CDC14A: variants seen among roughly 807,000 people sequenced by gnomAD.
CDC14A encodes cell division cycle 14A, also known as dual specificity protein phosphatase CDC14A.
CDC14A carries 53 observed loss-of-function variants against 74.4 expected under a neutral mutation model. That is an observed-to-expected ratio of 0.71 (90% CI 0.57 to 0.89). CDC14A has a LOEUF of 0.89. Among genes scored for constraint, CDC14A ranks in the 40% least tolerant of loss-of-function variants. The pLI, the probability that CDC14A is intolerant of heterozygous loss-of-function variation, is 0.00. For missense variants in CDC14A, 646 were observed against 713.7 expected (o/e 0.91, Z 1.08); for synonymous variants, 247 against 258.4 (o/e 0.96, Z 0.43).
At chr1:100,390,986 G>A (rs767970547) in intron 4 of CDC14A, 162 bp downstream of exon 4, 24 of 683,848 alleles carry the variant, frequency 3.5e-5, no homozygotes, top group South Asian at 3.5e-4. Context: ...AGCAGTGGTG[G>A]AATGTTTACT....
intron 6 of CDC14A, 73 bp downstream of exon 6, chr1:100,440,071 C>G (rs1391105437): frequency 8.9e-7 from 1 of 1,120,798 alleles, no homozygotes; most frequent in Non-Finnish European, 1.3e-6. Context: ...ATCTCAACAT[C>G]CTTATTTGTT....
intron 8 of CDC14A, chr1:100,462,308 G>T (rs1667389593): frequency 3.8e-6 from 1 of 262,648 alleles, no homozygotes; most frequent in South Asian, 4.6e-5. Context: ...AGAGAATAAA[G>T]TCACCATTCT....
At chr1:100,459,810 C>T (rs1667143328) in intron 8 of CDC14A, among the ~76,000 whole-genome samples, 1 of 152,164 alleles carries the variant, frequency 6.6e-6, no homozygotes, top group Admixed American at 6.5e-5. Context: ...AAAGCACTCA[C>T]GTACATCCGT....
intron 15 of CDC14A, among the ~76,000 whole-genome samples, chr1:100,506,750 G>T (rs1373637513): frequency 6.6e-6 from 1 of 152,130 alleles, no homozygotes; most frequent in Non-Finnish European, 1.5e-5. Flanking sequence ...AATCACCCTG[G>T]TTGTTCAGCT....
At chr1:100,447,560 GA>G (rs1665699180) in intron 7 of CDC14A, among the ~76,000 whole-genome samples, 2 of 152,216 alleles carry the variant, frequency 1.3e-5, no homozygotes, top group South Asian at 4.1e-4. Flanking sequence ...TGTACCTTGA[GA>G]ACCTTGAGAA....
At chr1:100,491,548 C>CTCTCTCTATATA (rs1223420176) in intron 11 of CDC14A, among the ~76,000 whole-genome samples, 25 of 38,752 alleles carry the variant, frequency 6.5e-4, no homozygotes, top group Non-Finnish European at 1.0e-3. Context: ...CTCTCTCTCT[C>CTCTCTCTATATA]TATATATATA....
chr1:100,416,084 G>A (rs1393590439), intron 4 of CDC14A, among the ~76,000 whole-genome samples: 1 of 152,126 alleles, frequency 6.6e-6, no homozygotes, highest in African/African-American at 2.4e-5. Context: ...CCAAGTTTTG[G>A]GAGCCAAGGA....
At chr1:100,376,565 T>C (rs1397633393) in intron 2 of CDC14A, among the ~76,000 whole-genome samples, 1 of 152,112 alleles carries the variant, frequency 6.6e-6, no homozygotes, top group Non-Finnish European at 1.5e-5. Flanking sequence ...GAAGGGCCTG[T>C]AGATGGTGGA....
At chr1:100,492,772 A>G (rs1435708811) in intron 11 of CDC14A, among the ~76,000 whole-genome samples, 1 of 152,066 alleles carries the variant, frequency 6.6e-6, no homozygotes, top group Non-Finnish European at 1.5e-5. Flanking sequence ...GCAAAATTCC[A>G]TTCTAATTCC....
chr1:100,349,573 T>C (rs1384813196), upstream of CDC14A, among the ~76,000 whole-genome samples: 2 of 152,234 alleles, frequency 1.3e-5, no homozygotes, highest in Admixed American at 1.3e-4. Flanking sequence ...CATATTTTTC[T>C]TGTAGAATTT....
intron 1 of CDC14A, among the ~76,000 whole-genome samples, chr1:100,345,986 C>T (rs1650381163): frequency 6.6e-6 from 1 of 152,078 alleles, no homozygotes; most frequent in Non-Finnish European, 1.5e-5. Flanking sequence ...GCCTGGCCAA[C>T]ATAGTGAAAC....
intron 6 of CDC14A, among the ~76,000 whole-genome samples, chr1:100,440,241 C>A (rs565421833): frequency 6.6e-6 from 1 of 152,288 alleles, no homozygotes; most frequent in Non-Finnish European, 1.5e-5. Context: ...AGATTTATCA[C>A]CACTATCAGC....
chr1:100,393,122 G>T, intron 4 of CDC14A: 1 of 1,465,726 alleles, frequency 6.8e-7, no homozygotes, highest in Non-Finnish European at 9.6e-7. Context: ...AAAATAGTCC[G>T]TTCAGTCTCA....
upstream of CDC14A, chr1:100,352,442 G>A (rs961248203): frequency 3.0e-6 from 3 of 1,006,954 alleles, no homozygotes; most frequent in Non-Finnish European, 3.6e-6. Flanking sequence ...GTCTGGGGGC[G>A]GACCCAGGGG....
chr1:100,420,070 A>ATGTATT (rs1553180589), intron 4 of CDC14A, among the ~76,000 whole-genome samples: 4 of 111,940 alleles, frequency 3.6e-5, no homozygotes, highest in South Asian at 2.9e-4. Context: ...ACACATATAT[A>ATGTATT]TATATATATA....
chr1:100,382,471 T>C (rs1238430918), intron 3 of CDC14A, among the ~76,000 whole-genome samples: 1 of 151,062 alleles, frequency 6.6e-6, no homozygotes, highest in African/African-American at 2.4e-5. Flanking sequence ...CTTCTGGGCT[T>C]AAGCTAGCTT....
At chr1:100,492,862 G>A (rs1033020737) in intron 11 of CDC14A, among the ~76,000 whole-genome samples, 1 of 145,170 alleles carries the variant, frequency 6.9e-6, no homozygotes, top group South Asian at 2.2e-4. Context: ...GTGTGTGTGT[G>A]TATGTGTGTG....
chr1:100,351,680 A>C (rs1228794365), upstream of CDC14A: 1 of 1,448,984 alleles, frequency 6.9e-7, no homozygotes, highest in Non-Finnish European at 9.5e-7. Flanking sequence ...CCGGGACCGG[A>C]GCACTGTAAA....
chr1:100,436,102 C>A (rs535524125), intron 5 of CDC14A, among the ~76,000 whole-genome samples: 2 of 152,086 alleles, frequency 1.3e-5, no homozygotes, highest in African/African-American at 4.8e-5. Context: ...GTTTTCCTAA[C>A]TCCTGACCTC....
Sources: gnomAD v4.1 joint callset for allele counts (sites outside exome capture counted in the v4.1 genomes callset) on GRCh38, gnomAD v4.1.1 for gene constraint, MANE v1.5 for transcripts, NCBI Gene and HGNC (gene_info 2026-07-23, HGNC 2026-07-21) for gene names.